The following ABCC11 variants were observed in gnomAD, a reference collection of about 807,000 sequenced individuals.
The protein encoded by ABCC11 is ATP binding cassette subfamily C member 11, also known as ATP-binding cassette sub-family C member 11.
Under a neutral mutation model 149.3 loss-of-function variants are expected in ABCC11, and 135 were observed. That is an observed-to-expected ratio of 0.90 (90% CI 0.79 to 1.04). The LOEUF is 1.04. Among genes scored for constraint, ABCC11 ranks in the 50% least tolerant of loss-of-function variants. The pLI, the probability that ABCC11 is intolerant of heterozygous loss-of-function variation, is 0.00. For synonymous variants in ABCC11, 665 were observed against 671.4 expected, an observed-to-expected ratio of 0.99 and a Z score of 0.15; for missense variants, 1,680 against 1,722.1, an observed-to-expected ratio of 0.98 and a Z score of 0.43.
intron 15 of ABCC11, among the ~76,000 whole-genome samples, chr16:48,199,095 C>CA (rs1967706546): frequency 6.6e-6 from 1 of 150,744 alleles, no homozygotes. Context: ...TGGAAGATCT[C>CA]AAAAAACATA....
intron 1 of ABCC11, among the ~76,000 whole-genome samples, chr16:48,242,991 G>A (rs962188169): frequency 3.3e-5 from 5 of 151,476 alleles, no homozygotes; most frequent in Non-Finnish European, 5.9e-5. Context: ...CATGGCACAT[G>A]TATACATATG....
intron 2 of ABCC11, 68 bp downstream of exon 2, chr16:48,231,755 T>C: frequency 6.4e-7 from 1 of 1,572,726 alleles, no homozygotes; most frequent in Non-Finnish European, 8.6e-7. Context: ...TTTGACGTAA[T>C]TTATGACCGT....
At chr16:48,230,922 A>G (rs1309140422) in intron 2 of ABCC11, among the ~76,000 whole-genome samples, 1 of 152,246 alleles carries the variant, frequency 6.6e-6, no homozygotes. Context: ...GAAACCAACA[A>G]GTAAAAAAGC....
chr16:48,202,038 T>C (rs1968027209), intron 14 of ABCC11, among the ~76,000 whole-genome samples: 1 of 152,198 alleles, frequency 6.6e-6, no homozygotes, highest in African/African-American at 2.4e-5. Context: ...CTGCTTGATC[T>C]GGCCAAAGCC....
intron 20 of ABCC11, among the ~76,000 whole-genome samples, chr16:48,187,860 T>C (rs367953206): frequency 6.6e-6 from 1 of 151,878 alleles, no homozygotes; most frequent in Non-Finnish European, 1.5e-5. Flanking sequence ...AGGTAGGAGG[T>C]GAGACTTGAC....
At chr16:48,174,322 G>A (rs1965898627) in intron 26 of ABCC11, among the ~76,000 whole-genome samples, 1 of 152,190 alleles carries the variant, frequency 6.6e-6, no homozygotes, top group Non-Finnish European at 1.5e-5. Flanking sequence ...AAATGAGTGG[G>A]AGGATGAATG....
rs1480650103 is a variant in ABCC11 at position 48,222,768 on chromosome 16, C to A, written c.607G>T (p.Val203Leu). 5.0e-6 allele frequency: 8 copies of A among 1,614,124 alleles called. No homozygotes were observed. In the African/African-American group the frequency reaches 1.1e-4, roughly 22 times the overall value. Reference sequence around the variant, plus strand: ...AGAAAAAGGGCAAAGCAGAGTCCCACTCCATGGACAACATTCCCCAACTGC... The same window carrying A: ...AGAAAAAGGGCAAAGCAGAGTCCCAATCCATGGACAACATTCCCCAACTGC... Reference protein sequence around the residue: ...EEQLGNVVHGVGLCFALFLSE... With the variant: ...EEQLGNVVHGLGLCFALFLSE... Residue 203 changes from valine to leucine, a missense_variant, in exon 6 of 30, where the codon GTG (valine) becomes TTG (leucine). Coordinates refer to ENST00000356608, the MANE Select transcript of ABCC11 (RefSeq NM_001370497.1).
Position 48,222,771 on chromosome 16 carries a change from C to A in ABCC11, c.604G>T (p.Gly202Ter), listed in dbSNP as rs751745270. 6.2e-7 allele frequency: 1 copy of A among 1,614,090 alleles called. No homozygotes were observed. ...AAAAGGGCAAAGCAGAGTCCCACTC[C>A]ATGGACAACATTCCCCAACTGCTCT... is the stretch of plus-strand genomic sequence containing the variant. ...SEEQLGNVVH[G>*]VGLCFALFLS... Residue 202 changes from glycine (G) to a stop codon, truncating the protein, a stop_gained, in exon 6 of 30, where the codon GGA (glycine) becomes TGA (stop). Transcript: ENST00000356608. LOFTEE classifies it high-confidence loss of function.
In ABCC11 at chr16:48,183,340, C is replaced by T. The variant is rs369908924; in HGVS notation, c.3258+1100G>A. Among the ~76,000 whole-genome samples, 34 of 152,370 alleles carry T rather than the reference C, an allele frequency of 2.2e-4. 1 individual carries two copies. In the South Asian group the frequency reaches 6.8e-3, roughly 31 times the overall value. On this transcript the variant is annotated intron_variant, in intron 23 of 29. Transcript: ENST00000356608. ...TCTGTGGGACTCTGTGGACAGTGAA[C>T]CTTGGCCAGTCGCTCTCTCTCCACA...
At chr16:48,199,549 A>G (rs559465509) in intron 15 of ABCC11, among the ~76,000 whole-genome samples, 1 of 152,122 alleles carries the variant, frequency 6.6e-6, no homozygotes. Context: ...AGAAGCAGTC[A>G]TTGCACTGCG....
Position 48,196,336 on chromosome 16 carries a change from AAGAAG to A in ABCC11, c.2315-20_2315-16del, listed in dbSNP as rs1201101336. On this transcript the variant is annotated splice_polypyrimidine_tract_variant and intron_variant, in intron 17 of 29. Transcript: ENST00000356608. The stretch of plus-strand genomic sequence containing the variant: ...ATGCTCCGGCACTGGGTCAGGGTAG[AAGAAG>A]AGAAAAGTGGTATGCCTGCCAATCA... The A allele has an allele frequency of 5.6e-6, 9 of 1,611,434 alleles. No individual in the cohort carries two copies. Among genetic ancestry groups the A allele is most frequent in the East Asian group, 2.2e-5 (1 of 44,844 alleles).
At position 48,186,985 on chromosome 16, in the gene ABCC11, A is replaced by T. The variant is rs774189160; in HGVS notation, c.3039T>A (p.His1013Gln). 2 of 1,614,184 alleles carry T rather than the reference A, an allele frequency of 1.2e-6. No individual in the cohort carries two copies. The highest frequency in any genetic ancestry group is 2.2e-5 in the South Asian group (2 of 91,086). The change falls in exon 22 of 30, where the codon CAT (histidine) becomes CAA (glutamine). Residue 1013 changes from histidine to glutamine, a missense_variant. His to Gln is a conservative substitution (Grantham distance 24). Coordinates refer to ENST00000356608, the MANE Select transcript of ABCC11 (RefSeq NM_001370497.1). ...TGAAGTCTTCAGTTTTTCCATAGAC[A>T]TGGATGGAGCTCAGGCCTTGCAGAG... ...LNSLQGLSSI[H>Q]VYGKTEDFIS...
At chr16:48,208,285 C>T in intron 12 of ABCC11, 140 bp downstream of exon 12, 1 of 896,276 alleles carries the variant, frequency 1.1e-6, no homozygotes, top group Non-Finnish European at 1.7e-6. Flanking sequence ...GCAAGCACAA[C>T]CATTTTTGAT....
At chr16:48,182,061 G>T (rs1471522538) in intron 23 of ABCC11, among the ~76,000 whole-genome samples, 2 of 152,170 alleles carry the variant, frequency 1.3e-5, no homozygotes, top group East Asian at 3.9e-4. Context: ...CCCAGTGCAT[G>T]TACGTGCTTG....
chr16:48,185,053 T>TG (rs1411439927), intron 22 of ABCC11, among the ~76,000 whole-genome samples: 4 of 152,180 alleles, frequency 2.6e-5, no homozygotes, highest in Non-Finnish European at 5.9e-5. Flanking sequence ...AGAGGGTCTC[T>TG]GGGAGCTTAA....
chr16:48,171,031 T>A, intron 26 of ABCC11, 64 bp from the exon 27 acceptor site: 2 of 1,349,328 alleles, frequency 1.5e-6, no homozygotes, highest in Admixed American at 3.4e-5. Flanking sequence ...CTCATTTATA[T>A]GCCCAGTGAA....
chr16:48,247,217 T>TAAAAA (rs78085763), intron 1 of ABCC11, 97 bp downstream of exon 1: 3 of 141,852 alleles, frequency 2.1e-5, no homozygotes, highest in Admixed American at 6.9e-5. Flanking sequence ...ACACTCTACT[T>TAAAAA]AAAAAAAAAA....
intron 6 of ABCC11, among the ~76,000 whole-genome samples, chr16:48,220,822 A>C (rs1380180809): frequency 1.3e-5 from 2 of 152,228 alleles, no homozygotes; most frequent in Non-Finnish European, 2.9e-5. Flanking sequence ...TTTTTGGAAT[A>C]TCTGTTCTGT....
chr16:48,242,744 T>A (rs954015796), intron 1 of ABCC11, among the ~76,000 whole-genome samples: 20 of 152,120 alleles, frequency 1.3e-4, no homozygotes, highest in African/African-American at 4.8e-4. Flanking sequence ...ATGTCCTTTG[T>A]AGGGACATGG....
Sources: allele counts gnomAD v4.1 joint callset (sites outside exome capture counted in the v4.1 genomes callset), GRCh38; gene constraint gnomAD v4.1.1; transcripts MANE v1.5; gene names NCBI Gene and HGNC (gene_info 2026-07-23, HGNC 2026-07-21).